TESK2: variants seen among roughly 807,000 people sequenced by gnomAD.
The protein encoded by TESK2 is testis associated actin remodelling kinase 2.
TESK2 carries 39 observed loss-of-function variants against 57.1 expected under a neutral mutation model. The observed-to-expected ratio is 0.68, with a 90% CI of 0.53 to 0.89. The LOEUF (loss-of-function observed/expected upper bound fraction) is 0.89. TESK2 is among the 40% of genes least tolerant of loss of function. The probability of loss-of-function intolerance (pLI) is 0.00; values close to 1 mark genes in which losing one functional copy is unlikely to be tolerated. For missense variants in TESK2, 646 were observed against 732.1 expected, an observed-to-expected ratio of 0.88 and a Z score of 1.36; for synonymous variants, 249 against 267.9, an observed-to-expected ratio of 0.93 and a Z score of 0.69.
chr1:45,469,628 T>C (rs1342907736), intron 1 of TESK2, among the ~76,000 whole-genome samples: 1 of 152,196 alleles, frequency 6.6e-6, no homozygotes, highest in African/African-American at 2.4e-5. Context: ...ATTCCCCAAC[T>C]TCCCTCAACA....
At chr1:45,419,537 G>A (rs1650378132) in intron 3 of TESK2, among the ~76,000 whole-genome samples, 1 of 152,090 alleles carries the variant, frequency 6.6e-6, no homozygotes, top group Admixed American at 6.6e-5. Flanking sequence ...CAGGTGCGGT[G>A]GCTCACACCT....
chr1:45,346,904 A>AT, intron 8 of TESK2, 75 bp downstream of exon 8: 1 of 1,572,058 alleles, frequency 6.4e-7, no homozygotes, highest in South Asian at 1.1e-5. Flanking sequence ...CAGCAAGTCC[A>AT]TCCCAGGGAC....
chr1:45,416,974 G>C (rs1266008035), intron 3 of TESK2, among the ~76,000 whole-genome samples: 1 of 151,536 alleles, frequency 6.6e-6, no homozygotes, highest in African/African-American at 2.4e-5. Flanking sequence ...TTTTAGTAGA[G>C]ATGGGGTTTC....
intron 1 of TESK2, among the ~76,000 whole-genome samples, chr1:45,487,982 T>C (rs1653551510): frequency 6.6e-6 from 1 of 151,836 alleles, no homozygotes; most frequent in Non-Finnish European, 1.5e-5. Context: ...TGGTACAATC[T>C]TGACTCCCTG....
chr1:45,418,315 T>C (rs1366958969), intron 3 of TESK2, among the ~76,000 whole-genome samples: 3 of 152,204 alleles, frequency 2.0e-5, no homozygotes, highest in South Asian at 2.1e-4. Flanking sequence ...CTCTCAAACA[T>C]GGTGGAAGCC....
intron 2 of TESK2, among the ~76,000 whole-genome samples, chr1:45,442,383 A>G (rs550168087): frequency 6.6e-6 from 1 of 152,080 alleles, no homozygotes; most frequent in Non-Finnish European, 1.5e-5. Flanking sequence ...ACAGACTTAC[A>G]TCATGGGTAA....
At chr1:45,466,133 G>A (rs1324054947) in intron 1 of TESK2, among the ~76,000 whole-genome samples, 1 of 152,070 alleles carries the variant, frequency 6.6e-6, no homozygotes, top group African/African-American at 2.4e-5. Flanking sequence ...CTTGAGCCCA[G>A]GAGTTCGAGG....
chr1:45,381,081 T>A (rs1163350429), intron 4 of TESK2, among the ~76,000 whole-genome samples: 1 of 152,222 alleles, frequency 6.6e-6, no homozygotes, highest in Non-Finnish European at 1.5e-5. Flanking sequence ...GAAATAAGAT[T>A]ATAGCATTGT....
intron 3 of TESK2, among the ~76,000 whole-genome samples, chr1:45,406,531 T>C (rs949674420): frequency 9.2e-5 from 14 of 152,198 alleles, no homozygotes; most frequent in African/African-American, 3.4e-4. Context: ...GGTACACACC[T>C]GTAGTACCAG....
intron 4 of TESK2, among the ~76,000 whole-genome samples, chr1:45,358,444 T>C (rs1281627310): frequency 1.3e-5 from 2 of 152,080 alleles, no homozygotes; most frequent in African/African-American, 2.4e-5. Flanking sequence ...TGCCACTAGA[T>C]TCCAGCCTAG....
rs752670807 is a variant in TESK2, at chr1:45,346,986, C to T, written c.785G>A (p.Arg262His). ...CCCATGCTTGCAGCTCACCTCTGTG[C>T]GGGGAAGATAGTCCGGATCGGCCTG... ...RIQADPDYLP[R>H]TENFGLDYDA... The change falls in exon 8 of 11, where the codon CGC (arginine) becomes CAC (histidine). Residue 262 changes from arginine (R) to histidine (H), a missense_variant. Transcript: ENST00000372086. 5.0e-6 allele frequency: 8 copies of T among 1,614,094 alleles called. No individual in the cohort carries two copies. Among genetic ancestry groups the T allele is most frequent in the Non-Finnish European group, 5.9e-6 (7 of 1,179,984 alleles).
intron 2 of TESK2, among the ~76,000 whole-genome samples, chr1:45,445,108 G>A (rs1321072579): frequency 6.6e-6 from 1 of 151,962 alleles, no homozygotes; most frequent in Non-Finnish European, 1.5e-5. Context: ...AACCTATAAC[G>A]AGAAACCAGC....
chr1:45,462,581 A>T (rs1354543433), intron 1 of TESK2, among the ~76,000 whole-genome samples: 2 of 152,068 alleles, frequency 1.3e-5, no homozygotes, highest in Non-Finnish European at 2.9e-5. Flanking sequence ...AGAGGATCTC[A>T]TTTTTTTATG....
chr1:45,385,710 G>GTATATATA lies in TESK2; in HGVS notation c.393+194_393+201dup, dbSNP rs754585734. On this transcript the variant is annotated intron_variant, in intron 4 of 10. Coordinates refer to ENST00000372086, the MANE Select transcript of TESK2 (RefSeq NM_007170.3). ...ACTTAAAGTGTATGTGTGTGTGTGT[G>GTATATATA]TATATATATATATATATATATATAT... is the stretch of plus-strand genomic sequence containing the variant. 3.4e-3 allele frequency among the ~76,000 whole-genome samples: 464 copies of GTATATATA among 135,272 alleles called. 5 individuals carry two copies. The highest frequency in any genetic ancestry group is 8.7e-3 in the African/African-American group (296 of 33,830). The allele number at this position is 135,272 out of a possible 152,430, so 88.7% of individuals were successfully genotyped here. A position where few individuals can be genotyped will look rare whatever the true frequency, so the allele number is the denominator to read the frequency against.
intron 1 of TESK2, among the ~76,000 whole-genome samples, chr1:45,465,775 G>A (rs1441028934): frequency 6.6e-6 from 1 of 152,066 alleles, no homozygotes; most frequent in African/African-American, 2.4e-5. Flanking sequence ...CGGAAAGAAA[G>A]GAAACAACCT....
chr1:45,386,040 C>A (rs1379615675), intron 3 of TESK2, 80 bp from the exon 4 acceptor site: 3 of 1,127,330 alleles, frequency 2.7e-6, no homozygotes, highest in African/African-American at 3.1e-5. Flanking sequence ...GTTAGTTACC[C>A]ATGCATTAGA....
intron 2 of TESK2, among the ~76,000 whole-genome samples, chr1:45,445,766 A>G (rs1651620480): frequency 6.6e-6 from 1 of 152,024 alleles, no homozygotes; most frequent in Non-Finnish European, 1.5e-5. Context: ...CCACACTGCA[A>G]ACTAGGTGAC....
chr1:45,478,864 C>T (rs1314839576), intron 1 of TESK2, among the ~76,000 whole-genome samples: 1 of 151,990 alleles, frequency 6.6e-6, no homozygotes, highest in Non-Finnish European at 1.5e-5. Context: ...GCTAGGATTA[C>T]AGATGCACAC....
chr1:45,474,447 CA>C (rs1207267832), intron 1 of TESK2, among the ~76,000 whole-genome samples: 1 of 152,082 alleles, frequency 6.6e-6, no homozygotes, highest in Non-Finnish European at 1.5e-5. Flanking sequence ...GGCAACATAG[CA>C]AGACCCCATC....
Sources: gnomAD v4.1 joint callset for allele counts (sites outside exome capture counted in the v4.1 genomes callset) on GRCh38, gnomAD v4.1.1 for gene constraint, MANE v1.5 for transcripts, NCBI Gene and HGNC (gene_info 2026-07-23, HGNC 2026-07-21) for gene names.